RBFOX1: variants seen among roughly 807,000 people sequenced by gnomAD.
The protein encoded by RBFOX1 is RNA binding protein fox-1 homolog 1.
RBFOX1 carries 8 observed loss-of-function variants against 57.7 expected under a neutral mutation model. The ratio of observed to expected loss-of-function variants is 0.14; its 90% confidence interval spans 0.08 to 0.25. RBFOX1 has a LOEUF of 0.25. Ranked by LOEUF, RBFOX1 falls within the 10% of genes least tolerant of loss-of-function variation. The pLI is 1.00. For synonymous variants in RBFOX1, 326 were observed against 222.4 expected (o/e 1.47, Z -4.15); for missense variants, 611 against 548.5 (o/e 1.11, Z -1.14).
chr16:6,224,120 T>A (rs1423660089), intron 1 of RBFOX1, among the ~76,000 whole-genome samples: 1 of 152,180 alleles, frequency 6.6e-6, no homozygotes, highest in Admixed American at 6.5e-5. Context: ...TAGTATAGTT[T>A]GAAGTCAGGT....
intron 1 of RBFOX1, among the ~76,000 whole-genome samples, chr16:6,143,959 C>CCACATATATATATATATATATATA (rs71404590): frequency 4.9e-4 from 68 of 139,908 alleles, no homozygotes; most frequent in African/African-American, 1.8e-3. Flanking sequence ...CCATACTCAG[C>CCACATATATATATATATATATATA]TATATATATA....
chr16:5,578,318 G>T (rs1053315751), intron 2 of RBFOX1, among the ~76,000 whole-genome samples: 1 of 152,078 alleles, frequency 6.6e-6, no homozygotes, highest in Non-Finnish European at 1.5e-5. Flanking sequence ...CTTGGCATCT[G>T]GTCTTTCTGG....
chr16:5,920,135 C>T lies in RBFOX1; in HGVS notation c.351+52800C>T, dbSNP rs545958331. On this transcript the variant is annotated intron_variant, in intron 4 of 19. Transcript: ENST00000641259. ...TTTTTTGGTAGAGACGGGATTTCAC[C>T]GCGTTAGCCAGGATGGTCTCGATCT... 9.2e-5 allele frequency among the ~76,000 whole-genome samples: 14 copies of T among 152,198 alleles called. No individual in the cohort carries two copies. The South Asian group carries it at 1.0e-3, about 11-fold the overall frequency.
chr16:6,121,941 T>A (rs563569625), intron 1 of RBFOX1, among the ~76,000 whole-genome samples: 1 of 152,316 alleles, frequency 6.6e-6, no homozygotes, highest in East Asian at 1.9e-4. Context: ...TCATTCACTG[T>A]CTCACCCAGG....
chr16:7,362,707 G>T (rs2097352729), intron 4 of RBFOX1, among the ~76,000 whole-genome samples: 1 of 152,054 alleles, frequency 6.6e-6, no homozygotes, highest in East Asian at 1.9e-4. Context: ...ATTTGTGTAT[G>T]CATGCTAGTG....
chr16:5,368,773 T>C (rs1164874647), intron 1 of RBFOX1, among the ~76,000 whole-genome samples: 1 of 152,188 alleles, frequency 6.6e-6, no homozygotes, highest in Non-Finnish European at 1.5e-5. Context: ...GTTGATTTTT[T>C]CCCTTTAACT....
At chr16:5,284,505 A>C (rs920927119) in intron 1 of RBFOX1, among the ~76,000 whole-genome samples, 1 of 151,188 alleles carries the variant, frequency 6.6e-6, no homozygotes, top group African/African-American at 2.4e-5. Flanking sequence ...AGACACAAAC[A>C]AACAGTCTTT....
At chr16:6,781,665 C>T (rs141329774) in intron 3 of RBFOX1, among the ~76,000 whole-genome samples, 1 of 151,986 alleles carries the variant, frequency 6.6e-6, no homozygotes, top group East Asian at 1.9e-4. Context: ...TTTTTTATGT[C>T]CAGGAATTTA....
intron 14 of RBFOX1, among the ~76,000 whole-genome samples, chr16:7,703,324 G>C (rs990104138): frequency 2.6e-5 from 4 of 152,132 alleles, no homozygotes; most frequent in African/African-American, 9.7e-5. Flanking sequence ...TGTTGGGAGG[G>C]GTACAAGCCC....
At chr16:6,106,524 G>A (rs1468027546) in intron 1 of RBFOX1, among the ~76,000 whole-genome samples, 6 of 150,978 alleles carry the variant, frequency 4.0e-5, no homozygotes, top group Non-Finnish European at 7.4e-5. Flanking sequence ...ATAGTACTGC[G>A]TTAGCACATA....
intron 2 of RBFOX1, among the ~76,000 whole-genome samples, chr16:6,610,897 C>T (rs868563031): frequency 2.6e-5 from 4 of 152,160 alleles, no homozygotes; most frequent in South Asian, 4.1e-4. Flanking sequence ...ATGCCTGTTC[C>T]ACTGATAACA....
chr16:5,539,347 C>T (rs1298703073), intron 2 of RBFOX1, among the ~76,000 whole-genome samples: 1 of 151,444 alleles, frequency 6.6e-6, no homozygotes, highest in East Asian at 2.0e-4. Flanking sequence ...AATCCCAGCA[C>T]TTTGGGAGGC....
intron 1 of RBFOX1, among the ~76,000 whole-genome samples, chr16:6,054,849 C>A (rs138739640): frequency 1.3e-5 from 2 of 152,196 alleles, no homozygotes; most frequent in East Asian, 3.9e-4. Flanking sequence ...GTGACACAAT[C>A]TTGGTTCACT....
intron 1 of RBFOX1, among the ~76,000 whole-genome samples, chr16:5,406,384 G>A (rs1003296740): frequency 6.6e-6 from 1 of 152,136 alleles, no homozygotes; most frequent in Non-Finnish European, 1.5e-5. Context: ...CTTGAGCTGG[G>A]ACGTCAATCT....
In RBFOX1 at chr16:7,201,157, G is replaced by A. The variant is rs1031217820; in HGVS notation, c.27+149059G>A. On this transcript the variant is annotated intron_variant, in intron 4 of 15. Transcript: ENST00000550418. ...ATGAGAGAGAGGAATTGGGGCAAGG[G>A]TTGGAGAGAAAGACCTCTCTGAGGT... Among the ~76,000 whole-genome samples the A allele has an allele frequency of 7.9e-5, 12 of 152,278 alleles. 1 individual carries two copies. The South Asian group carries it at 2.5e-3, about 32-fold the overall frequency.
chr16:6,435,920 G>A (rs757870975), intron 2 of RBFOX1, among the ~76,000 whole-genome samples: 5 of 152,092 alleles, frequency 3.3e-5, no homozygotes, highest in African/African-American at 4.8e-5. Flanking sequence ...GACTTCTGTT[G>A]CATCGTTTTC....
At chr16:7,179,283 C>T (rs1452635734) in intron 4 of RBFOX1, among the ~76,000 whole-genome samples, 3 of 151,642 alleles carry the variant, frequency 2.0e-5, no homozygotes, top group Non-Finnish European at 4.4e-5. Context: ...AGTTCATGTC[C>T]ATTGGAAGTG....
At chr16:5,555,976 A>G (rs960444999) in intron 2 of RBFOX1, among the ~76,000 whole-genome samples, 2 of 152,136 alleles carry the variant, frequency 1.3e-5, no homozygotes, top group Admixed American at 1.3e-4. Flanking sequence ...AGCTGAGGTC[A>G]TGCCATTGCA....
At chr16:5,403,984 G>A (rs1311187237) in intron 1 of RBFOX1, among the ~76,000 whole-genome samples, 1 of 150,582 alleles carries the variant, frequency 6.6e-6, no homozygotes, top group African/African-American at 2.4e-5. Flanking sequence ...TTGGCCATGG[G>A]AAGGGTGGGG....
Sources: allele counts gnomAD v4.1 joint callset (sites outside exome capture counted in the v4.1 genomes callset), GRCh38; gene constraint gnomAD v4.1.1; transcripts MANE v1.5; gene names NCBI Gene and HGNC (gene_info 2026-07-23, HGNC 2026-07-21).